Variants in PIP4K2A observed in about 807,000 individuals in gnomAD.
The protein encoded by PIP4K2A is phosphatidylinositol-5-phosphate 4-kinase type 2 alpha, also known as phosphatidylinositol 5-phosphate 4-kinase type-2 alpha.
In PIP4K2A, 14 loss-of-function variants were observed where a neutral mutation model predicts 42.9. The ratio of observed to expected loss-of-function variants is 0.33; its 90% CI spans 0.22 to 0.51. The LOEUF is 0.51. Ranked by LOEUF, PIP4K2A falls within the 20% of genes least tolerant of loss-of-function variation. The probability of loss-of-function intolerance (pLI) is 0.97; values close to 1 mark genes in which losing one functional copy is unlikely to be tolerated. For missense variants in PIP4K2A, 434 were observed against 519.8 expected, an observed-to-expected ratio of 0.83 and a Z score of 1.61; for synonymous variants, 192 against 192.2, an observed-to-expected ratio of 1.00 and a Z score of 0.01.
At chr10:22,540,532 G>A (rs1171768125) in intron 8 of PIP4K2A, among the ~76,000 whole-genome samples, 1 of 152,064 alleles carries the variant, frequency 6.6e-6, no homozygotes, top group African/African-American at 2.4e-5. Flanking sequence ...TATCAGAACT[G>A]GATAAAGGCA....
chr10:22,672,358 T>C (rs914937807), intron 1 of PIP4K2A, among the ~76,000 whole-genome samples: 1 of 152,172 alleles, frequency 6.6e-6, no homozygotes, highest in African/African-American at 2.4e-5. Flanking sequence ...CAATGAACTA[T>C]TCACACCTTC....
At chr10:22,681,394 C>A (rs1839657471) in intron 1 of PIP4K2A, among the ~76,000 whole-genome samples, 1 of 152,232 alleles carries the variant, frequency 6.6e-6, no homozygotes, top group Non-Finnish European at 1.5e-5. Flanking sequence ...GGCTTCTCAG[C>A]CAGACACAGT....
At chr10:22,549,203 A>T (rs1836333120) in intron 7 of PIP4K2A, among the ~76,000 whole-genome samples, 1 of 152,240 alleles carries the variant, frequency 6.6e-6, no homozygotes, top group South Asian at 2.1e-4. Flanking sequence ...TATGATCTAA[A>T]AATATTAACT....
chr10:22,690,569 A>G (rs996420938), intron 1 of PIP4K2A, among the ~76,000 whole-genome samples: 7 of 152,212 alleles, frequency 4.6e-5, no homozygotes, highest in African/African-American at 1.7e-4. Context: ...TCCTCTTTCA[A>G]GAGGAGATAT....
chr10:22,591,134 G>T (rs936282461), intron 4 of PIP4K2A, among the ~76,000 whole-genome samples: 2 of 152,218 alleles, frequency 1.3e-5, no homozygotes, highest in Non-Finnish European at 2.9e-5. Flanking sequence ...GATGAAAAGG[G>T]GGCAAGAAGC....
At chr10:22,548,458 A>AT (rs965623659) in intron 7 of PIP4K2A, among the ~76,000 whole-genome samples, 18 of 152,240 alleles carry the variant, frequency 1.2e-4, no homozygotes, top group African/African-American at 3.6e-4. Flanking sequence ...GAAAAAAACC[A>AT]TTTTTTTAAT....
intron 1 of PIP4K2A, among the ~76,000 whole-genome samples, chr10:22,627,628 A>AT (rs1838473539): frequency 8.4e-6 from 1 of 119,224 alleles, no homozygotes; most frequent in Non-Finnish European, 1.8e-5. Context: ...AAAAAAAAAA[A>AT]AAAGATAAGG....
At chr10:22,710,096 A>T (rs1833888193) in intron 1 of PIP4K2A, among the ~76,000 whole-genome samples, 1 of 152,040 alleles carries the variant, frequency 6.6e-6, no homozygotes, top group African/African-American at 2.4e-5. Flanking sequence ...TGATGTATCC[A>T]ATATGGTCTT....
intron 4 of PIP4K2A, among the ~76,000 whole-genome samples, chr10:22,585,715 C>T (rs111867751): frequency 0.033 from 5,029 of 151,898 alleles, 283 homozygotes; most frequent in African/African-American, 0.12. Context: ...ATTCTCATGC[C>T]TTAGCCTCCT....
intron 1 of PIP4K2A, among the ~76,000 whole-genome samples, chr10:22,646,764 G>T (rs1378092166): frequency 6.6e-6 from 1 of 152,218 alleles, no homozygotes; most frequent in Admixed American, 6.5e-5. Context: ...CCCACCTGTG[G>T]AGTCTGAGAG....
chr10:22,709,587 C>T (rs1833880919), intron 1 of PIP4K2A, among the ~76,000 whole-genome samples: 1 of 152,190 alleles, frequency 6.6e-6, no homozygotes, highest in Non-Finnish European at 1.5e-5. Context: ...TATCTAAAGA[C>T]ACAGCAGATC....
At chr10:22,592,235 G>A (rs933513655) in intron 3 of PIP4K2A, among the ~76,000 whole-genome samples, 1 of 152,160 alleles carries the variant, frequency 6.6e-6, no homozygotes, top group Non-Finnish European at 1.5e-5. Context: ...CAATGGTTAC[G>A]ATTGCTATCA....
At chr10:22,636,796 G>A (rs575805794) in intron 1 of PIP4K2A, among the ~76,000 whole-genome samples, 1 of 152,330 alleles carries the variant, frequency 6.6e-6, no homozygotes, top group African/African-American at 2.4e-5. Context: ...TTCCCACAGT[G>A]ACTCTGGTAC....
intron 4 of PIP4K2A, among the ~76,000 whole-genome samples, chr10:22,583,760 G>A (rs1253254232): frequency 6.6e-6 from 1 of 152,236 alleles, no homozygotes; most frequent in Admixed American, 6.5e-5. Context: ...AGACACTAAG[G>A]AAAGCAAGTG....
At chr10:22,545,534 G>A (rs971936390) in intron 7 of PIP4K2A, among the ~76,000 whole-genome samples, 1 of 152,218 alleles carries the variant, frequency 6.6e-6, no homozygotes, top group Admixed American at 6.5e-5. Flanking sequence ...CCTCAGGCCT[G>A]TGGTCAGACC....
intron 1 of PIP4K2A, among the ~76,000 whole-genome samples, chr10:22,681,413 C>A (rs1839657861): frequency 6.6e-6 from 1 of 152,224 alleles, no homozygotes; most frequent in Non-Finnish European, 1.5e-5. Context: ...GTGGCTCATG[C>A]CTGTAATCCC....
chr10:22,565,459 G>A (rs1389202861), intron 6 of PIP4K2A, among the ~76,000 whole-genome samples: 1 of 152,206 alleles, frequency 6.6e-6, no homozygotes, highest in African/African-American at 2.4e-5. Flanking sequence ...AGATTTCATG[G>A]ACACTTATCA....
At chr10:22,702,376 C>T (rs1833731575) in intron 1 of PIP4K2A, among the ~76,000 whole-genome samples, 1 of 152,170 alleles carries the variant, frequency 6.6e-6, no homozygotes, top group African/African-American at 2.4e-5. Context: ...TGTCTGAAGC[C>T]ATTAAAAGAA....
intron 3 of PIP4K2A, among the ~76,000 whole-genome samples, chr10:22,603,189 T>C (rs1294846527): frequency 6.6e-6 from 1 of 152,196 alleles, no homozygotes; most frequent in Non-Finnish European, 1.5e-5. Context: ...GGGCATCAGA[T>C]GTCAATAATG....
Sources: allele counts gnomAD v4.1 joint callset (sites outside exome capture counted in the v4.1 genomes callset), GRCh38; gene constraint gnomAD v4.1.1; transcripts MANE v1.5; gene names NCBI Gene and HGNC (gene_info 2026-07-23, HGNC 2026-07-21).